DLC1: variants seen among roughly 807,000 people sequenced by gnomAD.
The protein encoded by DLC1 is rho GTPase-activating protein 7.
In DLC1, 54 loss-of-function variants were observed where a neutral mutation model predicts 140.3. The ratio of observed to expected loss-of-function variants is 0.38; its 90% CI spans 0.31 to 0.48. The LOEUF (loss-of-function observed/expected upper bound fraction) is 0.48. DLC1 is among the 20% of genes least tolerant of loss of function. DLC1 has a pLI of 0.96. For synonymous variants in DLC1, 986 were observed against 728.1 expected, an observed-to-expected ratio of 1.35 and a Z score of -5.70; for missense variants, 2,536 against 1,907.0, an observed-to-expected ratio of 1.33 and a Z score of -6.14.
chr8:13,503,125 C>A (rs528077082), intron 1 of DLC1, among the ~76,000 whole-genome samples: 1 of 152,202 alleles, frequency 6.6e-6, no homozygotes, highest in East Asian at 1.9e-4. Flanking sequence ...AACAAAATTA[C>A]TGGGCATGAT....
At chr8:13,393,733 A>G in intron 3 of DLC1, 40 bp from the exon 4 acceptor site, 1 of 1,584,956 alleles carries the variant, frequency 6.3e-7, no homozygotes, top group Non-Finnish European at 8.6e-7. Context: ...GGACATGTGA[A>G]TGTTCCCAAA....
intron 5 of DLC1, among the ~76,000 whole-genome samples, chr8:13,277,517 A>T (rs1831219813): frequency 1.3e-5 from 2 of 152,162 alleles, no homozygotes; most frequent in Non-Finnish European, 2.9e-5. Context: ...ACAATTGCAC[A>T]TCAAAAACTC....
intron 4 of DLC1, among the ~76,000 whole-genome samples, chr8:13,370,679 C>T (rs922813702): frequency 1.3e-5 from 2 of 152,190 alleles, no homozygotes; most frequent in Non-Finnish European, 2.9e-5. Flanking sequence ...CCAAAACATG[C>T]TCCTTTTTGT....
At chr8:13,547,737 A>G (rs1585262270) in intron 1 of DLC1, among the ~76,000 whole-genome samples, 1 of 152,050 alleles carries the variant, frequency 6.6e-6, no homozygotes, top group Non-Finnish European at 1.5e-5. Flanking sequence ...ATCTGCACTC[A>G]TCTATCAATC....
intron 5 of DLC1, among the ~76,000 whole-genome samples, chr8:13,263,195 G>A (rs1386671621): frequency 6.6e-6 from 1 of 152,144 alleles, no homozygotes; most frequent in Admixed American, 6.5e-5. Flanking sequence ...GTGGAAGCCT[G>A]CAAGAGTTTT....
At chr8:13,287,521 G>T (rs976253202) in intron 5 of DLC1, among the ~76,000 whole-genome samples, 2 of 152,154 alleles carry the variant, frequency 1.3e-5, no homozygotes, top group African/African-American at 4.8e-5. Flanking sequence ...GAGAGAAAAG[G>T]CTACTGTTTT....
At chr8:13,299,289 A>C (rs959438652) in intron 5 of DLC1, among the ~76,000 whole-genome samples, 2 of 147,616 alleles carry the variant, frequency 1.4e-5, no homozygotes, top group Admixed American at 6.7e-5. Context: ...CTAAAAATAT[A>C]AAAAAAAAAT....
chr8:13,538,154 A>G (rs1803356997), intron 1 of DLC1, among the ~76,000 whole-genome samples: 1 of 152,152 alleles, frequency 6.6e-6, no homozygotes, highest in Non-Finnish European at 1.5e-5. Flanking sequence ...GTGGAGAAAT[A>G]GGCCTTCTTA....
chr8:13,551,975 G>C (rs1803872387), intron 1 of DLC1, among the ~76,000 whole-genome samples: 1 of 144,810 alleles, frequency 6.9e-6, no homozygotes, highest in South Asian at 2.2e-4. Context: ...ATGTATATGT[G>C]TGTGTGTGTA....
At position 13,479,841 on chromosome 8, in the gene DLC1, G is replaced by GAGAAA. The variant is rs1563383532; in HGVS notation, c.1023+19207_1023+19208insTTTCT. Among the ~76,000 whole-genome samples the GAGAAA allele has an allele frequency of 2.8e-3, 162 of 57,458 alleles. 10 individuals carry two copies. The highest frequency in any genetic ancestry group is 4.3e-3 in the Non-Finnish European group (100 of 23,064). The allele number at this position is 57,458 out of a possible 152,430, so 37.7% of individuals were successfully genotyped here. A position where few individuals can be genotyped will look rare whatever the true frequency, so the allele number is the denominator to read the frequency against. Reference sequence around the variant, plus strand: ...AGAAGAAGAAGAAGAAGAAGAAGAAGAAGAAGAAGAAGAAGAAGAGAAAAA... The same window carrying GAGAAA: ...AGAAGAAGAAGAAGAAGAAGAAGAAGAGAAAAAGAAGAAGAAGAAGAAGAGAAAAA... On this transcript the variant is annotated intron_variant, in intron 2 of 17. Transcript: ENST00000276297.
intron 2 of DLC1, among the ~76,000 whole-genome samples, chr8:13,412,457 C>T (rs1041713449): frequency 1.1e-4 from 16 of 152,006 alleles, no homozygotes; most frequent in South Asian, 4.2e-4. Context: ...ATACTGTCTT[C>T]GTTGTGGCAT....
chr8:13,394,962 T>C (rs969387309), intron 3 of DLC1, among the ~76,000 whole-genome samples: 3 of 151,982 alleles, frequency 2.0e-5, no homozygotes, highest in South Asian at 4.2e-4. Flanking sequence ...TATAACATAT[T>C]CTCTATTTTC....
chr8:13,408,458 A>G (rs1476285015), intron 2 of DLC1, among the ~76,000 whole-genome samples: 1 of 152,228 alleles, frequency 6.6e-6, no homozygotes, highest in Non-Finnish European at 1.5e-5. Context: ...CTAGGCTTCA[A>G]ACGGAGCACT....
intron 1 of DLC1, among the ~76,000 whole-genome samples, chr8:13,560,225 G>A (rs2117379180): frequency 6.6e-6 from 1 of 152,200 alleles, no homozygotes; most frequent in Non-Finnish European, 1.5e-5. Context: ...GGAAATCATT[G>A]CCTAATGCTT....
chr8:13,331,649 A>G (rs972854074), intron 4 of DLC1, among the ~76,000 whole-genome samples: 4 of 152,098 alleles, frequency 2.6e-5, no homozygotes, highest in Admixed American at 6.5e-5. Context: ...CATCAGAAGA[A>G]ACCCCCAACT....
chr8:13,356,086 T>G (rs60885750), intron 4 of DLC1, among the ~76,000 whole-genome samples: 2 of 77,490 alleles, frequency 2.6e-5, no homozygotes, highest in Non-Finnish European at 2.2e-5. Flanking sequence ...CAAGACTCCA[T>G]CTCAAAAAAA....
intron 3 of DLC1, among the ~76,000 whole-genome samples, chr8:13,397,989 G>A (rs11784587): frequency 0.05 from 7,592 of 151,674 alleles, 242 homozygotes; most frequent in Non-Finnish European, 0.059. Context: ...AAATTAGCTG[G>A]GCATGGTGGT....
At chr8:13,582,357 T>C (rs1805134698) in intron 1 of DLC1, among the ~76,000 whole-genome samples, 1 of 152,170 alleles carries the variant, frequency 6.6e-6, no homozygotes, top group African/African-American at 2.4e-5. Context: ...ATGCAAAGTA[T>C]TAATCCTGGG....
intron 1 of DLC1, among the ~76,000 whole-genome samples, chr8:13,556,936 G>A (rs147274465): frequency 6.6e-6 from 1 of 152,174 alleles, no homozygotes; most frequent in Admixed American, 6.5e-5. Flanking sequence ...TCCAGCCCTG[G>A]TGGGGCTGAA....
Sources: allele counts gnomAD v4.1 joint callset (sites outside exome capture counted in the v4.1 genomes callset), GRCh38; gene constraint gnomAD v4.1.1; transcripts MANE v1.5; gene names NCBI Gene and HGNC (gene_info 2026-07-23, HGNC 2026-07-21).